Variants in RTTN observed in about 807,000 individuals in gnomAD.
RTTN encodes rotatin.
RTTN carries 182 observed loss-of-function variants against 269.2 expected under a neutral mutation model. The observed-to-expected ratio is 0.68, with a 90% confidence interval of 0.60 to 0.76. The LOEUF (loss-of-function observed/expected upper bound fraction) is 0.76, where lower values mean the gene tolerates loss of function less well. Ranked by LOEUF, RTTN falls within the 30% of genes least tolerant of loss-of-function variation. The pLI, the probability that RTTN is intolerant of heterozygous loss-of-function variation, is 0.00. For synonymous variants in RTTN, 1,006 were observed against 963.5 expected (o/e 1.04, Z -0.82); for missense variants, 2,545 against 2,608.6 (o/e 0.98, Z 0.53).
At chr18:70,144,583 C>T (rs930305808) in intron 18 of RTTN, among the ~76,000 whole-genome samples, 3 of 152,176 alleles carry the variant, frequency 2.0e-5, no homozygotes, top group East Asian at 1.9e-4. Context: ...TCACAGAAGA[C>T]GTATTAGAAT....
In RTTN at chr18:70,166,191, G is replaced by A; in HGVS notation, c.1803-3C>T. On this transcript the variant is annotated splice_polypyrimidine_tract_variant and splice_region_variant and intron_variant, in intron 13 of 48. Coordinates refer to ENST00000640769, the MANE Select transcript of RTTN (RefSeq NM_173630.4). ...GACTGGCCTGAGCAGATTTCCAGCT[G>A]GTGAAAAGGTAAAACAACCAAGACA... is the stretch of plus-strand genomic sequence containing the variant. The A allele has an allele frequency of 6.2e-7, 1 of 1,610,744 alleles. No individual in the cohort carries two copies. The highest frequency in any genetic ancestry group is 8.5e-7 in the Non-Finnish European group (1 of 1,178,078).
intron 45 of RTTN, among the ~76,000 whole-genome samples, chr18:70,018,959 G>C (rs2056624379): frequency 6.6e-6 from 1 of 150,924 alleles, no homozygotes; most frequent in African/African-American, 2.4e-5. Flanking sequence ...TTCGGAGCCT[G>C]AGTTGTACAA....
intron 7 of RTTN, chr18:70,194,314 T>C (rs1369070538): frequency 6.6e-6 from 1 of 152,232 alleles, no homozygotes; most frequent in African/African-American, 2.4e-5. Context: ...AAGTCAGTGA[T>C]GATGTGGAAA....
At chr18:70,164,345 G>A (rs1336134544) in intron 14 of RTTN, among the ~76,000 whole-genome samples, 1 of 150,880 alleles carries the variant, frequency 6.6e-6, no homozygotes, top group Non-Finnish European at 1.5e-5. Flanking sequence ...CCAAGTAGCT[G>A]GGACTACAGG....
chr18:70,184,142 T>C (rs1057373347), intron 10 of RTTN, among the ~76,000 whole-genome samples: 3 of 152,128 alleles, frequency 2.0e-5, no homozygotes, highest in African/African-American at 7.2e-5. Context: ...ACTACACATA[T>C]CAAATATTAA....
At chr18:70,100,254 C>G (rs149788864) in intron 28 of RTTN, among the ~76,000 whole-genome samples, 152,184 of 152,286 alleles carry the variant, frequency 1, 76,041 homozygotes, top group Middle Eastern at 1. Flanking sequence ...CTTTTATTTC[C>G]TTGAGCAGTG....
chr18:70,113,287 A>C (rs2059521470), intron 27 of RTTN, among the ~76,000 whole-genome samples: 2 of 152,246 alleles, frequency 1.3e-5, no homozygotes, highest in Admixed American at 1.3e-4. Flanking sequence ...AATAGCCATA[A>C]GAACATGAGA....
At position 70,057,818 on chromosome 18, in the gene RTTN, G is replaced by T; in HGVS notation, c.4955C>A (p.Thr1652Asn). 1 of 1,613,266 alleles carries T rather than the reference G, an allele frequency of 6.2e-7. No individual in the cohort carries two copies. The highest frequency in any genetic ancestry group is 8.5e-7 in the Non-Finnish European group (1 of 1,179,328). ...TTCCTGGACACATGTCTGTATGAGGGTAGCATCTGCAATGCTGTGACGATC... is the reference window on the plus strand; with the variant it reads ...TTCCTGGACACATGTCTGTATGAGGTTAGCATCTGCAATGCTGTGACGATC... ...IELLCSIADA[T>N]LIQTCVQELR... Residue 1652 changes from threonine (T) to asparagine (N), a missense_variant, in exon 37 of 49, where the codon ACC (threonine) becomes AAC (asparagine). Transcript: ENST00000640769.
At chr18:70,102,030 G>T (rs2059181993) in intron 28 of RTTN, among the ~76,000 whole-genome samples, 2 of 152,174 alleles carry the variant, frequency 1.3e-5, no homozygotes, top group African/African-American at 2.4e-5. Flanking sequence ...GTGTGATGTG[G>T]TGCTGAGAAG....
Position 70,184,716 on chromosome 18 carries a change from T to TTTTTTTTTTTCTGTGTG in RTTN, c.1305+3391_1305+3392insCACACAGAAAAAAAAAA, listed in dbSNP as rs59000945. Among the ~76,000 whole-genome samples the TTTTTTTTTTTCTGTGTG allele has an allele frequency of 3.0e-4, 10 of 33,428 alleles. 3 individuals are homozygous for TTTTTTTTTTTCTGTGTG. Among genetic ancestry groups the TTTTTTTTTTTCTGTGTG allele is most frequent in the Non-Finnish European group, 7.3e-4 (9 of 12,316 alleles). 21.9% of individuals were successfully genotyped at this position (33,428 alleles called of 152,430 possible). A position where few individuals can be genotyped will look rare whatever the true frequency, so the allele number is the denominator to read the frequency against. On this transcript the variant is annotated intron_variant, in intron 10 of 48. Coordinates refer to ENST00000640769, the MANE Select transcript of RTTN (RefSeq NM_173630.4). ...AAACCACAGCAGGTTTTTTTTTTTT[T>TTTTTTTTTTTCTGTGTG]TGTGTGTGTGTGTGTGTGTGTGTGT...
At chr18:70,037,949 A>G (rs2057225642) in intron 40 of RTTN, among the ~76,000 whole-genome samples, 1 of 152,190 alleles carries the variant, frequency 6.6e-6, no homozygotes, top group Non-Finnish European at 1.5e-5. Context: ...CTTGGGCTCT[A>G]AGTGAACATT....
At chr18:70,014,220 C>T (rs577815217) in intron 46 of RTTN, among the ~76,000 whole-genome samples, 2 of 152,308 alleles carry the variant, frequency 1.3e-5, no homozygotes, top group South Asian at 4.1e-4. Context: ...TCATACTGCA[C>T]AGTAAAGTTC....
At chr18:70,054,823 GA>G (rs112632330) in intron 37 of RTTN, among the ~76,000 whole-genome samples, 45 of 139,792 alleles carry the variant, frequency 3.2e-4, no homozygotes, top group African/African-American at 1.1e-3. Context: ...TGTTTCAAAA[GA>G]AAAAAAAAAG....
chr18:70,205,059 C>A (rs1377576205), intron 2 of RTTN, 69 bp downstream of exon 2: 2 of 1,468,792 alleles, frequency 1.4e-6, no homozygotes, highest in Non-Finnish European at 1.9e-6. Context: ...TTTCAATAAA[C>A]GCTACAATTA....
intron 10 of RTTN, among the ~76,000 whole-genome samples, chr18:70,185,532 T>C (rs1174106764): frequency 1.3e-5 from 2 of 152,244 alleles, no homozygotes; most frequent in Non-Finnish European, 2.9e-5. Flanking sequence ...GCTAATCTTG[T>C]ATTTAATGGT....
chr18:70,111,135 C>T (rs1413672778), intron 27 of RTTN, among the ~76,000 whole-genome samples: 1 of 152,254 alleles, frequency 6.6e-6, no homozygotes, highest in East Asian at 1.9e-4. Flanking sequence ...GGCGCAACTT[C>T]ATCAGATTTA....
At chr18:70,124,563 T>C (rs182120763) in intron 25 of RTTN, among the ~76,000 whole-genome samples, 31 of 152,156 alleles carry the variant, frequency 2.0e-4, no homozygotes, top group Admixed American at 5.2e-4. Context: ...AACAGAAGTG[T>C]ATGCCCTAAA....
intron 40 of RTTN, among the ~76,000 whole-genome samples, chr18:70,045,878 G>C (rs77225895): frequency 0.019 from 2,947 of 152,206 alleles, 92 homozygotes; most frequent in African/African-American, 0.066. Flanking sequence ...AAATAAAGAG[G>C]AAAATTAGCT....
chr18:70,084,969 G>T (rs914699994), intron 32 of RTTN, among the ~76,000 whole-genome samples: 3 of 151,992 alleles, frequency 2.0e-5, no homozygotes, highest in African/African-American at 7.2e-5. Context: ...AGCTACATAC[G>T]GTTCTGTATT....
Sources: allele counts gnomAD v4.1 joint callset (sites outside exome capture counted in the v4.1 genomes callset), GRCh38; gene constraint gnomAD v4.1.1; transcripts MANE v1.5; gene names NCBI Gene and HGNC (gene_info 2026-07-23, HGNC 2026-07-21).